The following TNIK variants were observed in gnomAD, a reference collection of about 807,000 sequenced individuals.
TNIK encodes TRAF2 and NCK-interacting protein kinase.
A neutral mutation model predicts 191.3 loss-of-function variants in TNIK; 49 were observed. The ratio of observed to expected loss-of-function variants is 0.26; its 90% confidence interval spans 0.20 to 0.32. The LOEUF is 0.32. TNIK is among the 10% of genes least tolerant of loss of function. TNIK has a pLI of 1.00. For synonymous variants in TNIK, 594 were observed against 600.9 expected (o/e 0.99, Z 0.17); for missense variants, 1,155 against 1,702.3 (o/e 0.68, Z 5.66).
chr3:171,348,411 C>T (rs1433804558), intron 2 of TNIK, among the ~76,000 whole-genome samples: 1 of 152,102 alleles, frequency 6.6e-6, no homozygotes, highest in African/African-American at 2.4e-5. Context: ...GGTTTCCACA[C>T]CACCACCGAG....
chr3:171,287,360 T>C (rs1430115374), intron 2 of TNIK, among the ~76,000 whole-genome samples: 1 of 152,250 alleles, frequency 6.6e-6, no homozygotes, highest in Non-Finnish European at 1.5e-5. Flanking sequence ...ATGTATCTAA[T>C]CAACTATTTT....
chr3:171,427,886 G>A (rs1724850942), intron 1 of TNIK, among the ~76,000 whole-genome samples: 1 of 152,148 alleles, frequency 6.6e-6, no homozygotes, highest in African/African-American at 2.4e-5. Flanking sequence ...AGACCCAAAA[G>A]AGGAGAAAGA....
intron 1 of TNIK, among the ~76,000 whole-genome samples, chr3:171,376,746 T>TA (rs149568381): frequency 3.4e-4 from 50 of 148,776 alleles, no homozygotes; most frequent in East Asian, 6.0e-4. Context: ...GATAGATAGA[T>TA]GATAGATAGA....
chr3:171,215,064 A>G (rs980211581), intron 3 of TNIK, among the ~76,000 whole-genome samples: 2 of 152,116 alleles, frequency 1.3e-5, no homozygotes, highest in African/African-American at 2.4e-5. Flanking sequence ...TCAAGGGGAC[A>G]TTAGCAAATC....
rs1717578493 is a variant in TNIK at position 171,058,786 on chromosome 3, AGTT to A, written c.*5092_*5094del. 6.6e-6 allele frequency among the ~76,000 whole-genome samples: 1 copy of A among 152,232 alleles called. No homozygotes were observed. Among genetic ancestry groups the A allele is most frequent in the African/African-American group, 2.4e-5 (1 of 41,470 alleles). On this transcript the variant is annotated 3_prime_UTR_variant, in exon 33 of 33. Transcript: ENST00000436636. Reference sequence around the variant, plus strand: ...TATTATACATTTGGCATCTCTCTACAGTTATATTAACATAAATAAGGCAGCTAA... The same window carrying A: ...TATTATACATTTGGCATCTCTCTACAATATTAACATAAATAAGGCAGCTAA...
At chr3:171,166,672 G>A (rs1036181088) in intron 10 of TNIK, among the ~76,000 whole-genome samples, 4 of 152,148 alleles carry the variant, frequency 2.6e-5, no homozygotes, top group Admixed American at 6.5e-5. Context: ...AATTAGAAAT[G>A]AGCCTCAGAG....
At chr3:171,382,785 G>C (rs1718213279) in intron 1 of TNIK, among the ~76,000 whole-genome samples, 1 of 152,106 alleles carries the variant, frequency 6.6e-6, no homozygotes, top group African/African-American at 2.4e-5. Context: ...CTAGGCATGT[G>C]GCATGGTCGA....
chr3:171,072,644 C>G (rs968690641), intron 28 of TNIK, among the ~76,000 whole-genome samples: 1 of 152,146 alleles, frequency 6.6e-6, no homozygotes, highest in Non-Finnish European at 1.5e-5. Context: ...ATTATCTCTG[C>G]TGATGACAGG....
chr3:171,357,457 T>C (rs1473071040), intron 2 of TNIK, among the ~76,000 whole-genome samples: 2 of 152,050 alleles, frequency 1.3e-5, no homozygotes, highest in Non-Finnish European at 2.9e-5. Flanking sequence ...CTCAGCTAGT[T>C]TTTGTATTTT....
chr3:171,281,931 A>C (rs1486715194), intron 2 of TNIK, among the ~76,000 whole-genome samples: 1 of 152,224 alleles, frequency 6.6e-6, no homozygotes, highest in Non-Finnish European at 1.5e-5. Context: ...AACCCAGTTG[A>C]GCCTGACTGA....
At chr3:171,292,775 C>CAAAAAAAAAA (rs59314303) in intron 2 of TNIK, among the ~76,000 whole-genome samples, 3 of 85,056 alleles carry the variant, frequency 3.5e-5, no homozygotes, top group Non-Finnish European at 6.8e-5. Flanking sequence ...GACTCCATCT[C>CAAAAAAAAAA]AAAAAAAAAA....
intron 1 of TNIK, among the ~76,000 whole-genome samples, chr3:171,420,691 A>G (rs1723686462): frequency 6.6e-6 from 1 of 152,206 alleles, no homozygotes; most frequent in Non-Finnish European, 1.5e-5. Context: ...AAATAGAACA[A>G]TTATAACAAT....
Position 171,110,960 on chromosome 3 carries a change from C to T in TNIK, c.2121-83G>A, listed in dbSNP as rs937743205. The stretch of plus-strand genomic sequence containing the variant: ...TCACATATCTGATAAGGTTTAATAC[C>T]CAAAATATGTAAGGAACTCAAAACA... On this transcript the variant is annotated intron_variant, in intron 18 of 32. Coordinates refer to ENST00000436636, the MANE Select transcript of TNIK (RefSeq NM_015028.4). The T allele has an allele frequency of 1.8e-5, 24 of 1,343,634 alleles. 1 individual carries two copies. The South Asian group carries it at 4.4e-4, about 25-fold the overall frequency. 83.2% of individuals were successfully genotyped at this position (1,343,634 alleles called of 1,614,324 possible).
Position 171,385,076 on chromosome 3 carries a change from T to C in TNIK, c.58-15391A>G, listed in dbSNP as rs1242618140. ...CACAAACTGAGCTCACACTCAAAGG[T>C]GGCCAAACATGAAGGGCACACGGAG... On this transcript the variant is annotated intron_variant, in intron 1 of 32. Transcript: ENST00000436636. Among the ~76,000 whole-genome samples the C allele has an allele frequency of 4.6e-5, 7 of 151,910 alleles. No individual in the cohort carries two copies. In the East Asian group the frequency reaches 1.2e-3, roughly 25 times the overall value.
intron 28 of TNIK, among the ~76,000 whole-genome samples, chr3:171,074,970 T>C (rs1719702840): frequency 6.6e-6 from 1 of 152,224 alleles, no homozygotes; most frequent in Non-Finnish European, 1.5e-5. Flanking sequence ...CTACTGATGT[T>C]AGGACAATGA....
At chr3:171,148,882 G>T (rs1444261546) in intron 12 of TNIK, among the ~76,000 whole-genome samples, 1 of 152,142 alleles carries the variant, frequency 6.6e-6, no homozygotes, top group Admixed American at 6.5e-5. Context: ...GCTGCCTCAA[G>T]CCCACGGACA....
chr3:171,108,895 A>G (rs16855845), intron 19 of TNIK, among the ~76,000 whole-genome samples: 12,603 of 152,142 alleles, frequency 0.083, 1,710 homozygotes, highest in African/African-American at 0.28. Flanking sequence ...GCATCTTTGC[A>G]GTCTATGAGC....
chr3:171,412,754 T>C (rs1301958546), intron 1 of TNIK, among the ~76,000 whole-genome samples: 1 of 152,232 alleles, frequency 6.6e-6, no homozygotes. Context: ...GTGACTTTAG[T>C]TTCTAAACTT....
At chr3:171,421,724 ATT>A (rs67895255) in intron 1 of TNIK, among the ~76,000 whole-genome samples, 2,764 of 91,158 alleles carry the variant, frequency 0.03, 79 homozygotes, top group African/African-American at 0.13. Flanking sequence ...TAGTTGTGTA[ATT>A]TTTTTTTTTT....
Sources: allele counts gnomAD v4.1 joint callset (sites outside exome capture counted in the v4.1 genomes callset), GRCh38; gene constraint gnomAD v4.1.1; transcripts MANE v1.5; gene names NCBI Gene and HGNC (gene_info 2026-07-23, HGNC 2026-07-21).